HPS4: variants seen among roughly 807,000 people sequenced by gnomAD.
HPS4 encodes BLOC-3 complex member HPS4.
A neutral mutation model predicts 70.3 loss-of-function variants in HPS4; 44 were observed. That is an observed-to-expected ratio of 0.63 (90% CI 0.49 to 0.80). The LOEUF (loss-of-function observed/expected upper bound fraction) is 0.80, where lower values mean the gene tolerates loss of function less well. HPS4 is among the 30% of genes least tolerant of loss of function. The pLI is 0.00. For missense variants in HPS4, 873 were observed against 884.4 expected, an observed-to-expected ratio of 0.99 and a Z score of 0.16; for synonymous variants, 377 against 355.9, an observed-to-expected ratio of 1.06 and a Z score of -0.67.
At position 26,464,217 on chromosome 22, in the gene HPS4, C is replaced by A. The variant is rs1389825057; in HGVS notation, c.1413G>T (p.Leu471Phe). 4 of 1,614,224 alleles carry A rather than the reference C, an allele frequency of 2.5e-6. No individual in the cohort carries two copies. The highest frequency in any genetic ancestry group is 2.2e-5 in the South Asian group (2 of 91,084). Residue 471 changes from leucine (L) to phenylalanine (F), a missense_variant, in exon 11 of 14, where the codon TTG (leucine) becomes TTT (phenylalanine). By Grantham distance (22) the Leu-to-Phe change is conservative. Coordinates refer to ENST00000398145, the MANE Select transcript of HPS4 (RefSeq NM_022081.6). ...LPRRTRRPLL[L>F]PRLDPGQRGN... ...CTCTCTGTCCTGGATCTAAGCGAGG[C>A]AATAACAAGGGCCTGCGGGTCCTTC...
intron 7 of HPS4, among the ~76,000 whole-genome samples, chr22:26,469,698 AAAAGAAAAAAAAAT>A (rs2089446980): frequency 1.7e-5 from 1 of 59,360 alleles, no homozygotes; most frequent in Non-Finnish European, 4.5e-5. Context: ...AAAAAAAAAA[AAAAGAAAAAAAAAT>A]ATATATATAT....
At chr22:26,483,296 T>A (rs1176802190) in intron 1 of HPS4, among the ~76,000 whole-genome samples, 1 of 152,100 alleles carries the variant, frequency 6.6e-6, no homozygotes, top group Non-Finnish European at 1.5e-5. Context: ...CTCTGAAAGG[T>A]CCAGAAGAGA....
In HPS4 at chr22:26,472,374, G is replaced by T. The variant is rs151105857; in HGVS notation, c.429C>A (p.Ile143=). The T allele has an allele frequency of 6.2e-7, 1 of 1,613,702 alleles. No individual in the cohort carries two copies. Among genetic ancestry groups the T allele is most frequent in the East Asian group, 2.2e-5 (1 of 44,902 alleles). Residue 143 remains isoleucine, a synonymous_variant, in exon 6 of 14, where the codon ATC becomes ATA. Coordinates refer to ENST00000398145, the MANE Select transcript of HPS4 (RefSeq NM_022081.6). ...EELSTEWDTF[I]EQILKNTSDL... ...CACTGGTGTTTTTCAGAATTTGCTC[G>T]ATGAAGGTGTCCCACTCCGTGCTCA...
upstream of HPS4, chr22:26,483,856 C>A (rs753668169): frequency 7.7e-4 from 1,014 of 1,323,648 alleles, 1 homozygote; most frequent in East Asian, 4.7e-4. Context: ...CGATGACGTG[C>A]CGAGTGCGCC....
intron 2 of HPS4, chr22:26,479,725 A>T (rs1026792340): frequency 1.9e-6 from 2 of 1,049,290 alleles, no homozygotes. Flanking sequence ...TAAGTTAGGG[A>T]TGTATTAGAT....
chr22:26,450,880 T>G (rs1049130196), downstream of HPS4, among the ~76,000 whole-genome samples: 3 of 152,224 alleles, frequency 2.0e-5, no homozygotes, highest in African/African-American at 7.2e-5. Flanking sequence ...CAGTTAAACC[T>G]CTTTCCTTTA....
At chr22:26,470,886 G>A (rs2089690640) in intron 6 of HPS4, 73 bp from the exon 7 acceptor site, 1 of 1,594,224 alleles carries the variant, frequency 6.3e-7, no homozygotes. Flanking sequence ...AGGGGAAAGG[G>A]TTGTACAGAA....
chr22:26,472,116 G>A lies in HPS4; in HGVS notation c.501+186C>T, dbSNP rs151278280. ...ATCATCAAAACAGTTCAAGAAGGCA[G>A]GTATGCTGACACCATTCTTTGGATA... On this transcript the variant is annotated intron_variant, in intron 6 of 13. Transcript: ENST00000398145. Among the ~76,000 whole-genome samples the A allele has an allele frequency of 1.5e-3, 222 of 152,292 alleles. 2 individuals are homozygous for A. Among genetic ancestry groups the A allele is most frequent in the African/African-American group, 4.9e-3 (202 of 41,568 alleles).
chr22:26,474,750 A>G (rs2090295012), intron 4 of HPS4, among the ~76,000 whole-genome samples: 1 of 152,246 alleles, frequency 6.6e-6, no homozygotes, highest in South Asian at 2.1e-4. Context: ...AATAAAACCC[A>G]ATTTAAAAAA....
intron 7 of HPS4, among the ~76,000 whole-genome samples, 167 bp downstream of exon 7, chr22:26,470,552 C>T (rs78052085): frequency 2.0e-5 from 3 of 152,322 alleles, no homozygotes; most frequent in Non-Finnish European, 4.4e-5. Flanking sequence ...GACAGGTACA[C>T]ACCTGTCTTT....
downstream of HPS4, chr22:26,444,126 C>T (rs953021911): frequency 2.0e-5 from 3 of 152,242 alleles, no homozygotes; most frequent in African/African-American, 4.8e-5. Context: ...GGGATAGGAC[C>T]GCGCTCACCC....
At chr22:26,448,477 A>C (rs1035167085), downstream of HPS4, among the ~76,000 whole-genome samples, 4 of 152,220 alleles carry the variant, frequency 2.6e-5, no homozygotes, top group Admixed American at 2.6e-4. Context: ...GGTGTCTTTG[A>C]ACAGCACACT....
chr22:26,459,844 G>A (rs1418542367), intron 11 of HPS4, among the ~76,000 whole-genome samples: 1 of 152,184 alleles, frequency 6.6e-6, no homozygotes, highest in African/African-American at 2.4e-5. Context: ...TTTTTATAAA[G>A]TCAAGGAAAT....
intron 10 of HPS4, among the ~76,000 whole-genome samples, chr22:26,465,037 TG>T (rs770764379): frequency 6.6e-6 from 1 of 152,244 alleles, no homozygotes; most frequent in Non-Finnish European, 1.5e-5. Flanking sequence ...ACTCACCTAC[TG>T]AAAATGGCAG....
chr22:26,471,151 C>G (rs1390874498), intron 6 of HPS4: 2 of 419,080 alleles, frequency 4.8e-6, no homozygotes, highest in Non-Finnish European at 9.1e-6. Flanking sequence ...GACCTCACGG[C>G]AGCAGAAGAG....
chr22:26,469,222 G>C (rs1026528336), intron 7 of HPS4, among the ~76,000 whole-genome samples: 1 of 128,288 alleles, frequency 7.8e-6, no homozygotes. Flanking sequence ...TGAGGTGGGA[G>C]AATAACTTGA....
intron 4 of HPS4, among the ~76,000 whole-genome samples, chr22:26,474,741 AT>A (rs2090292967): frequency 1.3e-5 from 2 of 152,384 alleles, no homozygotes; most frequent in Non-Finnish European, 2.9e-5. Flanking sequence ...AATTAAAAAA[AT>A]AAAACCCAAT....
intron 1 of HPS4, 36 bp downstream of exon 1, chr22:26,483,638 C>T (rs1411006272): frequency 2.6e-5 from 9 of 343,662 alleles, no homozygotes; most frequent in Non-Finnish European, 4.2e-5. Context: ...GGGCCCGCCC[C>T]TCGGTATCCC....
At chr22:26,458,639 A>G (rs991407971) in intron 11 of HPS4, 62 bp from the exon 12 acceptor site, 3 of 1,592,966 alleles carry the variant, frequency 1.9e-6, no homozygotes, top group Non-Finnish European at 2.6e-6. Context: ...TCTGAGGGCT[A>G]GTTAACCACA....
Sources: allele counts gnomAD v4.1 joint callset (sites outside exome capture counted in the v4.1 genomes callset), GRCh38; gene constraint gnomAD v4.1.1; transcripts MANE v1.5; gene names NCBI Gene and HGNC (gene_info 2026-07-23, HGNC 2026-07-21).